Variants in NOVA1 observed in about 807,000 individuals in gnomAD.
NOVA1 encodes the protein RNA-binding protein Nova-1.
A neutral mutation model predicts 38.0 loss-of-function variants in NOVA1; 7 were observed. That is an observed-to-expected ratio of 0.18 (90% CI 0.10 to 0.35). The LOEUF is 0.35. NOVA1 is among the 10% of genes least tolerant of loss of function. NOVA1 has a pLI of 1.00. For missense variants in NOVA1, 460 were observed against 616.0 expected (o/e 0.75, Z 2.68); for synonymous variants, 270 against 232.5 (o/e 1.16, Z -1.47).
intron 2 of NOVA1, among the ~76,000 whole-genome samples, chr14:26,559,804 T>C (rs1891710933): frequency 6.6e-6 from 1 of 152,124 alleles, no homozygotes; most frequent in South Asian, 2.1e-4. Context: ...TAGTGTTTGA[T>C]ACATCAGTAG....
chr14:26,544,395 A>G (rs958580399), intron 2 of NOVA1, among the ~76,000 whole-genome samples: 8 of 151,834 alleles, frequency 5.3e-5, no homozygotes, highest in African/African-American at 1.2e-4. Flanking sequence ...TTTACTACCA[A>G]TTAGTTCTTC....
In NOVA1 at chr14:26,446,462, A is replaced by G. The variant is rs1349269080; in HGVS notation, c.*1497T>C. 1 of 152,686 alleles carries G rather than the reference A, an allele frequency of 6.5e-6. No homozygotes were observed. Among genetic ancestry groups the G allele is most frequent in the Non-Finnish European group, 1.5e-5 (1 of 68,070 alleles). 9.5% of individuals were successfully genotyped at this position (152,686 alleles called of 1,614,324 possible). A position where few individuals can be genotyped will look rare whatever the true frequency, so the allele number is the denominator to read the frequency against. ...CATTTAGCTTGCTAGGATGGACGTAATCAATGGGTTGAAGTTGAGATGGAA... is the reference window on the plus strand; with the variant it reads ...CATTTAGCTTGCTAGGATGGACGTAGTCAATGGGTTGAAGTTGAGATGGAA... On this transcript the variant is annotated 3_prime_UTR_variant, in exon 5 of 5. Coordinates refer to ENST00000539517, the MANE Select transcript of NOVA1 (RefSeq NM_002515.3).
intron 2 of NOVA1, chr14:26,593,566 G>A (rs145761917): frequency 4.4e-4 from 67 of 151,906 alleles, no homozygotes; most frequent in African/African-American, 1.5e-3. Flanking sequence ...ACTCACATTT[G>A]ATCAGGTTAC....
intron 4 of NOVA1, among the ~76,000 whole-genome samples, chr14:26,463,787 G>A (rs1011854487): frequency 1.3e-5 from 2 of 152,118 alleles, no homozygotes; most frequent in African/African-American, 4.8e-5. Flanking sequence ...AATGCATTGG[G>A]ATTTATTTCT....
At chr14:26,572,723 G>T (rs1205214304) in intron 2 of NOVA1, among the ~76,000 whole-genome samples, 1 of 62,922 alleles carries the variant, frequency 1.6e-5, no homozygotes, top group East Asian at 5.7e-4. Context: ...ATAAGGAACC[G>T]CAGTGTGTGT....
At chr14:26,546,171 T>C (rs888910565) in intron 2 of NOVA1, among the ~76,000 whole-genome samples, 1 of 152,048 alleles carries the variant, frequency 6.6e-6, no homozygotes, top group East Asian at 1.9e-4. Context: ...CATATATTAG[T>C]CTAGGAATAT....
At chr14:26,478,136 AG>A (rs1186780590) in intron 3 of NOVA1, among the ~76,000 whole-genome samples, 1 of 151,936 alleles carries the variant, frequency 6.6e-6, no homozygotes, top group Non-Finnish European at 1.5e-5. Flanking sequence ...ACATCCAAAA[AG>A]GCAAATAAAA....
intron 4 of NOVA1, among the ~76,000 whole-genome samples, chr14:26,464,611 G>A (rs1389326935): frequency 6.6e-6 from 1 of 152,002 alleles, no homozygotes; most frequent in African/African-American, 2.4e-5. Context: ...TTTAATGCTG[G>A]CTGATCTCAA....
intron 2 of NOVA1, among the ~76,000 whole-genome samples, chr14:26,540,978 A>C (rs533871390): frequency 6.6e-6 from 1 of 152,292 alleles, no homozygotes; most frequent in Non-Finnish European, 1.5e-5. Flanking sequence ...ACAGAGATAG[A>C]ATAAGCCATA....
intron 2 of NOVA1, among the ~76,000 whole-genome samples, chr14:26,489,134 T>G (rs1035226138): frequency 3.3e-5 from 5 of 152,132 alleles, no homozygotes; most frequent in African/African-American, 1.2e-4. Context: ...TACATTAATT[T>G]CTGACATGTA....
chr14:26,451,420 C>T (rs1181463783), intron 4 of NOVA1, among the ~76,000 whole-genome samples: 2 of 151,880 alleles, frequency 1.3e-5, no homozygotes, highest in African/African-American at 2.4e-5. Flanking sequence ...CAGGCTGGAG[C>T]GCAGTGGTGC....
intron 4 of NOVA1, among the ~76,000 whole-genome samples, chr14:26,449,654 C>T (rs771223831): frequency 6.6e-6 from 1 of 151,928 alleles, no homozygotes; most frequent in Admixed American, 6.6e-5. Flanking sequence ...TAGATTAACC[C>T]TATTTAAGAA....
Position 26,448,465 on chromosome 14 carries a change from C to T in NOVA1, c.1018G>A (p.Ala340Thr), listed in dbSNP as rs773310728. The T allele has an allele frequency of 6.2e-7, 1 of 1,613,416 alleles. No homozygotes were observed. The highest frequency in any genetic ancestry group is 2.2e-5 in the East Asian group (1 of 44,856). The change falls in exon 5 of 5, where the codon GCA (alanine) becomes ACA (threonine). Residue 340 changes from alanine to threonine, a missense_variant. Transcript: ENST00000539517. This position sits in a 1 kb window ranked among gnomAD's most constrained non-coding sequence, Gnocchi z 5.3. ...GCTGCAGCCAAAGCCCCTGTTGCTG[C>T]TGCTTGACTGAGACCTAAACCTAAA... ...NTLGLGLSQAAATGALAAAAA... is the reference protein window; with the variant it reads ...NTLGLGLSQATATGALAAAAA...
At chr14:26,468,797 T>A (rs1447395267) in intron 4 of NOVA1, among the ~76,000 whole-genome samples, 2 of 152,176 alleles carry the variant, frequency 1.3e-5, no homozygotes, top group Admixed American at 1.3e-4. Context: ...TGATAAATGC[T>A]TATAATTTCA....
intron 2 of NOVA1, among the ~76,000 whole-genome samples, chr14:26,524,624 TTAA>T: frequency 6.6e-6 from 1 of 152,306 alleles, no homozygotes; most frequent in Admixed American, 6.5e-5. Flanking sequence ...TCTTCCAGGA[TTAA>T]TAACAAAGAA....
At position 26,455,244 on chromosome 14, in the gene NOVA1, C is replaced by T. The variant is rs1397689024; in HGVS notation, c.520-6281G>A. On this transcript the variant is annotated intron_variant, in intron 4 of 4. Coordinates refer to ENST00000539517, the MANE Select transcript of NOVA1 (RefSeq NM_002515.3). ...ACCCATTGCTCACTCAGATTTTAAA[C>T]CTAGGAGCTATCTGTGACTTCTCCT... Among the ~76,000 whole-genome samples, 3 of 152,094 alleles carry T rather than the reference C, an allele frequency of 2.0e-5. 1 individual carries two copies. In the South Asian group the frequency reaches 6.2e-4, roughly 31 times the overall value.
At chr14:26,524,728 C>T (rs899745601) in intron 2 of NOVA1, among the ~76,000 whole-genome samples, 1 of 152,136 alleles carries the variant, frequency 6.6e-6, no homozygotes. Context: ...TGAAGATTTT[C>T]TCTTTAATGT....
chr14:26,562,014 G>A (rs755113773), intron 2 of NOVA1, among the ~76,000 whole-genome samples: 32 of 152,046 alleles, frequency 2.1e-4, no homozygotes, highest in Admixed American at 8.5e-4. Flanking sequence ...CACTCTATAA[G>A]TTATAATTTC....
intron 2 of NOVA1, among the ~76,000 whole-genome samples, chr14:26,488,878 T>C (rs1886120354): frequency 6.6e-6 from 1 of 152,170 alleles, no homozygotes; most frequent in Admixed American, 6.5e-5. Context: ...ATCTATCCTT[T>C]ATGTATTAAT....
Sources: gnomAD v4.1 joint callset for allele counts (sites outside exome capture counted in the v4.1 genomes callset) on GRCh38, gnomAD v4.1.1 for gene constraint, Gnocchi (gnomAD v3.1) non-coding constraint, MANE v1.5 for transcripts, NCBI Gene and HGNC (gene_info 2026-07-23, HGNC 2026-07-21) for gene names.